MAMDC2: variants seen among roughly 807,000 people sequenced by gnomAD.
MAMDC2 encodes the protein MAM domain containing 2.
In MAMDC2, 57 loss-of-function variants were observed where a neutral mutation model predicts 89.8. That is an observed-to-expected ratio of 0.63 (90% CI 0.51 to 0.79). The LOEUF (loss-of-function observed/expected upper bound fraction) is 0.79, where lower values mean the gene tolerates loss of function less well. Ranked by LOEUF, MAMDC2 falls within the 30% of genes least tolerant of loss-of-function variation. The pLI is 0.00. For missense variants in MAMDC2, 800 were observed against 820.6 expected, an observed-to-expected ratio of 0.97 and a Z score of 0.31; for synonymous variants, 313 against 293.4, an observed-to-expected ratio of 1.07 and a Z score of -0.68.
chr9:70,211,231 G>C (rs1176527356), intron 11 of MAMDC2, among the ~76,000 whole-genome samples: 1 of 152,204 alleles, frequency 6.6e-6, no homozygotes, highest in Non-Finnish European at 1.5e-5. Context: ...TTCCAACTTG[G>C]TTCCATCCTC....
intron 11 of MAMDC2, among the ~76,000 whole-genome samples, chr9:70,173,987 C>A (rs1279430479): frequency 3.3e-5 from 5 of 152,214 alleles, no homozygotes; most frequent in African/African-American, 1.2e-4. Flanking sequence ...AATTTAAAAA[C>A]TGAAAGGCTT....
chr9:70,145,535 C>G (rs564371529), intron 9 of MAMDC2, among the ~76,000 whole-genome samples: 2 of 151,508 alleles, frequency 1.3e-5, no homozygotes, highest in East Asian at 3.9e-4. Context: ...TTAACTCTTA[C>G]AAGTAGTTAT....
At chr9:70,123,210 G>C in intron 5 of MAMDC2, among the ~76,000 whole-genome samples, 1 of 152,320 alleles carries the variant, frequency 6.6e-6, no homozygotes, top group Non-Finnish European at 1.5e-5. Context: ...ATGTTACAAA[G>C]AGCAATGAAG....
At chr9:70,056,668 C>A (rs1827031175) in intron 2 of MAMDC2, among the ~76,000 whole-genome samples, 1 of 152,136 alleles carries the variant, frequency 6.6e-6, no homozygotes, top group African/African-American at 2.4e-5. Context: ...TGCTTTAAAG[C>A]AGGGGTCCCA....
At chr9:70,193,084 C>T (rs2032914864) in intron 11 of MAMDC2, among the ~76,000 whole-genome samples, 1 of 151,930 alleles carries the variant, frequency 6.6e-6, no homozygotes, top group African/African-American at 2.4e-5. Flanking sequence ...CAAGTAAGTA[C>T]AAAGATAGGC....
chr9:70,169,101 T>C (rs2032255291), intron 10 of MAMDC2, among the ~76,000 whole-genome samples: 1 of 152,232 alleles, frequency 6.6e-6, no homozygotes, highest in African/African-American at 2.4e-5. Context: ...AAATATCTTC[T>C]ACTATAATTA....
At chr9:70,129,410 C>T (rs1383203085) in intron 6 of MAMDC2, among the ~76,000 whole-genome samples, 1 of 152,124 alleles carries the variant, frequency 6.6e-6, no homozygotes, top group African/African-American at 2.4e-5. Flanking sequence ...CCATTAAACT[C>T]TTTTTCCAGT....
chr9:70,145,183 T>C (rs914580845), intron 9 of MAMDC2, among the ~76,000 whole-genome samples: 2 of 152,212 alleles, frequency 1.3e-5, no homozygotes, highest in Non-Finnish European at 2.9e-5. Flanking sequence ...ATTAAGTAGA[T>C]AGTGTTGTAA....
At position 70,218,062 on chromosome 9, in the gene MAMDC2, A is replaced by T. The variant is rs137934341; in HGVS notation, c.1652-275A>T. ...TAAGTAATATAAATTCTGATGTGTT[A>T]ATCACTGTATCAGTGGCATAATACT... On this transcript the variant is annotated intron_variant, in intron 11 of 13. Transcript: ENST00000377182. Among the ~76,000 whole-genome samples the T allele has an allele frequency of 9.8e-5, 15 of 152,346 alleles. No homozygotes were observed. The East Asian group carries it at 2.9e-3, about 29-fold the overall frequency.
intron 11 of MAMDC2, among the ~76,000 whole-genome samples, chr9:70,214,574 T>C (rs1209271656): frequency 2.0e-5 from 3 of 152,224 alleles, no homozygotes; most frequent in Non-Finnish European, 4.4e-5. Flanking sequence ...AGTGGTATGA[T>C]TTTGCTTTTG....
At chr9:70,206,606 T>C (rs1221699132) in intron 11 of MAMDC2, among the ~76,000 whole-genome samples, 2 of 152,170 alleles carry the variant, frequency 1.3e-5, no homozygotes, top group Non-Finnish European at 2.9e-5. Context: ...GAGACTTTGT[T>C]TCATATTTTT....
intron 2 of MAMDC2, among the ~76,000 whole-genome samples, chr9:70,084,330 C>T (rs912343047): frequency 6.6e-6 from 1 of 152,018 alleles, no homozygotes; most frequent in Non-Finnish European, 1.5e-5. Flanking sequence ...CTTAAGATTG[C>T]CAGAAAAGAA....
At chr9:70,166,569 C>T (rs2118516464) in intron 9 of MAMDC2, among the ~76,000 whole-genome samples, 1 of 152,156 alleles carries the variant, frequency 6.6e-6, no homozygotes, top group East Asian at 1.9e-4. Flanking sequence ...CCCAAGTTAT[C>T]AAATCTGACA....
At chr9:70,189,517 T>C (rs963992891) in intron 11 of MAMDC2, among the ~76,000 whole-genome samples, 9 of 152,160 alleles carry the variant, frequency 5.9e-5, no homozygotes, top group African/African-American at 2.2e-4. Context: ...GATTTGCTCA[T>C]TGTCTTTGGC....
chr9:70,058,266 A>G (rs1333902372), intron 2 of MAMDC2, among the ~76,000 whole-genome samples: 1 of 152,174 alleles, frequency 6.6e-6, no homozygotes, highest in African/African-American at 2.4e-5. Context: ...TGGGATTTAG[A>G]ATTTTTTTAA....
intron 9 of MAMDC2, among the ~76,000 whole-genome samples, chr9:70,155,598 C>A (rs1267146244): frequency 6.6e-6 from 1 of 152,176 alleles, no homozygotes; most frequent in East Asian, 1.9e-4. Context: ...CACCGATGAA[C>A]AATAAACCTT....
chr9:70,112,952 T>G, intron 4 of MAMDC2, 43 bp from the exon 5 acceptor site: 2 of 1,612,594 alleles, frequency 1.2e-6, no homozygotes, highest in Non-Finnish European at 1.7e-6. Flanking sequence ...TGTACCCAGG[T>G]GTGACTGTGT....
At chr9:70,207,597 T>C (rs908640256) in intron 11 of MAMDC2, among the ~76,000 whole-genome samples, 117 of 152,330 alleles carry the variant, frequency 7.7e-4, no homozygotes, top group African/African-American at 2.8e-3. Context: ...TTCACTCTGA[T>C]GGTAGTTTCT....
chr9:70,190,080 C>A (rs2032846903), intron 11 of MAMDC2, among the ~76,000 whole-genome samples: 1 of 152,100 alleles, frequency 6.6e-6, no homozygotes, highest in Non-Finnish European at 1.5e-5. Flanking sequence ...AGTCCAATGT[C>A]TTGACTTCCT....
Sources: gnomAD v4.1 joint callset for allele counts (sites outside exome capture counted in the v4.1 genomes callset) on GRCh38, gnomAD v4.1.1 for gene constraint, MANE v1.5 for transcripts, NCBI Gene and HGNC (gene_info 2026-07-23, HGNC 2026-07-21) for gene names.